The following IFI27L1 variants were observed in gnomAD, a reference collection of about 807,000 sequenced individuals.
The protein encoded by IFI27L1 is interferon alpha-inducible protein 27-like protein 1.
IFI27L1 carries 3 observed loss-of-function variants against 9.2 expected under a neutral mutation model. The observed-to-expected ratio is 0.32, with a 90% CI of 0.15 to 0.84. The LOEUF (loss-of-function observed/expected upper bound fraction) is 0.84. IFI27L1 is among the 40% of genes least tolerant of loss of function. The pLI, the probability that IFI27L1 is intolerant of heterozygous loss-of-function variation, is 0.56. For synonymous variants in IFI27L1, 53 were observed against 50.0 expected (o/e 1.06, Z -0.26); for missense variants, 133 against 134.2 (o/e 0.99, Z 0.05).
intron 3 of IFI27L1, 80 bp from the exon 4 acceptor site, chr14:94,101,734 C>T (rs1886903686): frequency 6.8e-7 from 1 of 1,475,988 alleles, no homozygotes; most frequent in South Asian, 1.2e-5. Flanking sequence ...ACCCCTCCTC[C>T]TCATCGCCCC....
chr14:94,098,529 A>T (rs894219701), intron 2 of IFI27L1, among the ~76,000 whole-genome samples: 1 of 152,220 alleles, frequency 6.6e-6, no homozygotes, highest in Non-Finnish European at 1.5e-5. Flanking sequence ...CAAGTACCAG[A>T]TGTTAGGACT....
chr14:94,083,693 G>A (rs574427413), intron 1 of IFI27L1, among the ~76,000 whole-genome samples: 9 of 152,342 alleles, frequency 5.9e-5, no homozygotes, highest in East Asian at 3.9e-4. Flanking sequence ...GTAAGGGTAC[G>A]TGAGTGTTCA....
At chr14:94,083,446 G>A (rs1240579634) in intron 1 of IFI27L1, among the ~76,000 whole-genome samples, 1 of 152,200 alleles carries the variant, frequency 6.6e-6, no homozygotes, top group African/African-American at 2.4e-5. Flanking sequence ...ACATTCTACT[G>A]TGGATAAAAT....
chr14:94,102,569 AC>A lies in IFI27L1; in HGVS notation c.*2del. The A allele has an allele frequency of 6.5e-7, 1 of 1,533,498 alleles. No individual in the cohort carries two copies. Among genetic ancestry groups the A allele is most frequent in the Non-Finnish European group, 8.8e-7 (1 of 1,138,618 alleles). 95.0% of individuals were successfully genotyped at this position (1,533,498 alleles called of 1,614,324 possible). Reference sequence around the variant, plus strand: ...GCTGGGTTCACCCCCTTCCAGCTGAACACCACACTGAGGCAGGGAGTTGGCT... The same window carrying A: ...GCTGGGTTCACCCCCTTCCAGCTGAAACCACACTGAGGCAGGGAGTTGGCT... On this transcript the variant is annotated 3_prime_UTR_variant, in exon 5 of 5. Transcript: ENST00000555523.
chr14:94,088,681 T>C (rs1052464898), intron 1 of IFI27L1, among the ~76,000 whole-genome samples: 2 of 152,184 alleles, frequency 1.3e-5, no homozygotes, highest in South Asian at 2.1e-4. Flanking sequence ...GCAGCTGAAC[T>C]CTGACTAATA....
At chr14:94,084,647 C>T (rs113854015) in intron 1 of IFI27L1, among the ~76,000 whole-genome samples, 105 of 152,202 alleles carry the variant, frequency 6.9e-4, no homozygotes, top group African/African-American at 2.4e-3. Context: ...ATTACAGAAG[C>T]GAGAAACAAA....
At chr14:94,088,231 G>T (rs1886347312) in intron 1 of IFI27L1, 7 of 702,156 alleles carry the variant, frequency 1.0e-5, no homozygotes, top group South Asian at 3.0e-5. Flanking sequence ...TTGTAGTAGG[G>T]ACTTGTTTTT....
At position 94,101,949 on chromosome 14, in the gene IFI27L1, G is replaced by A. The variant is rs749123532; in HGVS notation, c.197G>A (p.Ser66Asn). ...IANGGGVAAG[S>N]LVAILQSVGA... ...AACGGGGGCGGAGTTGCTGCTGGCA[G>A]TCTGGTGGCTATTCTGCAGTCAGTG... The change falls in exon 4 of 5, where the codon AGT (serine) becomes AAT (asparagine). Residue 66 changes from serine to asparagine, a missense_variant. Ser to Asn is a conservative substitution (Grantham distance 46, BLOSUM62 1). Coordinates refer to ENST00000555523, the MANE Select transcript of IFI27L1 (RefSeq NM_206949.3). The A allele has an allele frequency of 1.9e-6, 3 of 1,614,266 alleles. No homozygotes were observed. The highest frequency in any genetic ancestry group is 3.3e-5 in the Admixed American group (2 of 60,030).
At chr14:94,089,571 T>C (rs529244292) in intron 1 of IFI27L1, among the ~76,000 whole-genome samples, 1 of 152,306 alleles carries the variant, frequency 6.6e-6, no homozygotes, top group South Asian at 2.1e-4. Context: ...TGCTATTTTA[T>C]CAGCATGGTC....
chr14:94,101,059 C>T (rs1886877410), intron 3 of IFI27L1: 3 of 579,804 alleles, frequency 5.2e-6, no homozygotes, highest in Non-Finnish European at 9.2e-6. Context: ...CGGGATTCCT[C>T]CCCGTCTAAA....
At chr14:94,096,785 C>A (rs1049536275) in intron 1 of IFI27L1, 102 bp from the exon 2 acceptor site, 6 of 588,248 alleles carry the variant, frequency 1.0e-5, no homozygotes, top group Non-Finnish European at 1.5e-5. Context: ...TATGATAATT[C>A]TATTTTTAAT....
chr14:94,097,697 A>T (rs965971267), intron 2 of IFI27L1: 13 of 702,134 alleles, frequency 1.9e-5, no homozygotes, highest in Admixed American at 6.0e-5. Flanking sequence ...GCATTCACGG[A>T]TAGATTGCTG....
intron 1 of IFI27L1, among the ~76,000 whole-genome samples, chr14:94,093,689 A>G (rs1886567315): frequency 6.6e-6 from 1 of 152,198 alleles, no homozygotes; most frequent in African/African-American, 2.4e-5. Flanking sequence ...GCCTTGAGGC[A>G]AGTTAATGAA....
At chr14:94,088,499 C>CTTTTTTTT (rs3064010) in intron 1 of IFI27L1, among the ~76,000 whole-genome samples, 1 of 124,858 alleles carries the variant, frequency 8.0e-6, no homozygotes, top group Non-Finnish European at 1.6e-5. Flanking sequence ...CTGGAACAAT[C>CTTTTTTTT]TTTTTTTTTT....
intron 2 of IFI27L1, chr14:94,100,385 C>T: frequency 1.0e-6 from 1 of 985,452 alleles, no homozygotes; most frequent in Non-Finnish European, 1.2e-6. Context: ...ACCCCAGTCC[C>T]TGCCCCCGTG....
At chr14:94,098,196 C>A (rs2092788) in intron 2 of IFI27L1, among the ~76,000 whole-genome samples, 92,921 of 151,998 alleles carry the variant, frequency 0.61, 29,718 homozygotes, top group East Asian at 0.94. Context: ...ACTTTCTCAC[C>A]GTTCTGGAGG....
intron 2 of IFI27L1, chr14:94,100,384 C>T: frequency 3.0e-6 from 3 of 985,452 alleles, no homozygotes; most frequent in Non-Finnish European, 3.6e-6. Flanking sequence ...CACCCCAGTC[C>T]CTGCCCCCGT....
chr14:94,100,671 AG>A (rs138752919), intron 2 of IFI27L1, 67 bp from the exon 3 acceptor site: 21,744 of 1,601,392 alleles, frequency 0.014, 176 homozygotes, highest in Non-Finnish European at 0.017. Context: ...TGGGGGTATC[AG>A]AGAGTACCCA....
intron 1 of IFI27L1, among the ~76,000 whole-genome samples, chr14:94,086,755 C>A (rs2141446316): frequency 6.6e-6 from 1 of 152,232 alleles, no homozygotes; most frequent in East Asian, 1.9e-4. Context: ...GCTAGAGCTG[C>A]TCTTAGGGTC....
Sources: allele counts gnomAD v4.1 joint callset (sites outside exome capture counted in the v4.1 genomes callset), GRCh38; gene constraint gnomAD v4.1.1; transcripts MANE v1.5; gene names NCBI Gene and HGNC (gene_info 2026-07-23, HGNC 2026-07-21).